Variants in RORA observed in about 807,000 individuals in gnomAD.
RORA encodes the protein nuclear receptor ROR-alpha.
A neutral mutation model predicts 69.5 loss-of-function variants in RORA; 7 were observed. The ratio of observed to expected loss-of-function variants is 0.10; its 90% CI spans 0.06 to 0.19. RORA has a LOEUF of 0.19. Among genes scored for constraint, RORA ranks in the 10% least tolerant of loss-of-function variants. RORA has a pLI of 1.00. For synonymous variants in RORA, 261 were observed against 240.8 expected (o/e 1.08, Z -0.78); for missense variants, 457 against 663.0 (o/e 0.69, Z 3.41).
rs1259368228 is a variant in RORA, at chr15:61,147,453, A to G, written c.166+81600T>C. Reference sequence around the variant, plus strand: ...CCCAACAGGTGCAATAGGACTCTGAAGAAGGAATATGAGAGCTTCCAGCCC... The same window carrying G: ...CCCAACAGGTGCAATAGGACTCTGAGGAAGGAATATGAGAGCTTCCAGCCC... On this transcript the variant is annotated intron_variant, in intron 1 of 10. Transcript: ENST00000335670. This position sits in a 1 kb window ranked among gnomAD's most constrained non-coding sequence, Gnocchi z 4.1. Among the ~76,000 whole-genome samples, 1 of 152,198 alleles carries G rather than the reference A, an allele frequency of 6.6e-6. No individual in the cohort carries two copies. Among genetic ancestry groups the G allele is most frequent in the African/African-American group, 2.4e-5 (1 of 41,448 alleles).
intron 2 of RORA, among the ~76,000 whole-genome samples, chr15:60,637,151 C>A (rs77459317): frequency 0.028 from 4,243 of 152,052 alleles, 210 homozygotes; most frequent in African/African-American, 0.097. Flanking sequence ...TAGTACCTAT[C>A]GCCAAGAAAG....
chr15:60,943,123 T>A (rs886095416), intron 1 of RORA, among the ~76,000 whole-genome samples: 1 of 152,234 alleles, frequency 6.6e-6, no homozygotes, highest in Non-Finnish European at 1.5e-5. Flanking sequence ...TCCAAGTAGC[T>A]ATGCATAGTA....
intron 2 of RORA, among the ~76,000 whole-genome samples, chr15:60,592,145 G>A (rs1409028946): frequency 1.3e-5 from 2 of 151,992 alleles, no homozygotes; most frequent in African/African-American, 4.8e-5. Flanking sequence ...GGAGCCGGAG[G>A]GGGCAGCAGA....
intron 1 of RORA, among the ~76,000 whole-genome samples, chr15:60,800,987 G>A (rs1427169695): frequency 6.6e-6 from 1 of 152,216 alleles, no homozygotes; most frequent in Non-Finnish European, 1.5e-5. Flanking sequence ...GCGATTGATT[G>A]CTGCATGCCT....
intron 1 of RORA, among the ~76,000 whole-genome samples, chr15:60,786,554 G>A (rs1015070082): frequency 2.0e-5 from 3 of 152,240 alleles, no homozygotes; most frequent in East Asian, 1.9e-4. Context: ...AGAGCTAAAG[G>A]ACACCAACCT....
At chr15:60,567,004 G>A (rs577602219) in intron 2 of RORA, among the ~76,000 whole-genome samples, 82 of 152,282 alleles carry the variant, frequency 5.4e-4, no homozygotes, top group African/African-American at 1.9e-3. Flanking sequence ...TAGATTACGT[G>A]TGAGAGCTCA....
chr15:60,996,081 T>G (rs1033368396), intron 1 of RORA, among the ~76,000 whole-genome samples: 11 of 98,274 alleles, frequency 1.1e-4, no homozygotes, highest in Non-Finnish European at 2.2e-4. Flanking sequence ...GTTTTTTTTT[T>G]TTTTTTTGAG....
chr15:60,912,791 C>A (rs1476830876), intron 1 of RORA, among the ~76,000 whole-genome samples: 2 of 105,056 alleles, frequency 1.9e-5, no homozygotes, highest in Non-Finnish European at 4.9e-5. Flanking sequence ...AAACAAAACA[C>A]AACAAAAAAA....
At chr15:61,101,368 T>C (rs1360228982) in intron 1 of RORA, among the ~76,000 whole-genome samples, 2 of 152,100 alleles carry the variant, frequency 1.3e-5, no homozygotes, top group Non-Finnish European at 2.9e-5. Flanking sequence ...CTTGTTTATT[T>C]TGAGACTGGA....
At chr15:60,723,905 G>A (rs1159650717) in intron 1 of RORA, among the ~76,000 whole-genome samples, 1 of 152,178 alleles carries the variant, frequency 6.6e-6, no homozygotes, top group Admixed American at 6.5e-5. Flanking sequence ...GTGCACCAGA[G>A]ACAAGATGGA....
At chr15:60,705,720 T>G (rs1256941231) in intron 1 of RORA, among the ~76,000 whole-genome samples, 2 of 152,134 alleles carry the variant, frequency 1.3e-5, no homozygotes, top group Admixed American at 1.3e-4. Context: ...TTTTTATTAT[T>G]AAAATTTTTT....
At position 60,891,841 on chromosome 15, in the gene RORA, TC is replaced by T. The variant is rs1428963380; in HGVS notation, c.167-213156del. Among the ~76,000 whole-genome samples the T allele has an allele frequency of 1.3e-5, 2 of 152,204 alleles. 1 individual carries two copies. Among genetic ancestry groups the T allele is most frequent in the African/African-American group, 4.8e-5 (2 of 41,450 alleles). On this transcript the variant is annotated intron_variant, in intron 1 of 10. Transcript: ENST00000335670. ...TTCTCCCTTCTCCTAAAAATGTATC[TC>T]ATTTTCCAAGATTTAGCTTTATGGT...
chr15:60,932,215 G>A (rs1389118054), intron 1 of RORA, among the ~76,000 whole-genome samples: 1 of 152,126 alleles, frequency 6.6e-6, no homozygotes, highest in Non-Finnish European at 1.5e-5. Flanking sequence ...ACCTGAGAAG[G>A]TGGGGTTGCT....
intron 1 of RORA, among the ~76,000 whole-genome samples, chr15:60,740,714 T>C (rs940390177): frequency 5.3e-5 from 8 of 152,176 alleles, no homozygotes; most frequent in African/African-American, 1.7e-4. Context: ...GGTTAACTTT[T>C]AAAAAAATGT....
At chr15:60,978,961 C>CTTTTTTTTTTTTTTTTTTTTTTTT (rs543353825) in intron 1 of RORA, among the ~76,000 whole-genome samples, 1 of 95,138 alleles carries the variant, frequency 1.1e-5, no homozygotes, top group African/African-American at 4.1e-5. Context: ...CAACTTTGCT[C>CTTTTTTTTTTTTTTTTTTTTTTTT]TTTTTTTTTT....
rs59044853 is a variant in RORA at position 60,819,746 on chromosome 15, G to GACACACACAC, written c.167-141070_167-141061dup. Among the ~76,000 whole-genome samples the GACACACACAC allele has an allele frequency of 8.8e-3, 1,048 of 119,320 alleles. 26 individuals are homozygous for GACACACACAC. Among genetic ancestry groups the GACACACACAC allele is most frequent in the African/African-American group, 0.027 (817 of 29,874 alleles). The allele number at this position is 119,320 out of a possible 152,430, so 78.3% of individuals were successfully genotyped here. A position where few individuals can be genotyped will look rare whatever the true frequency, so the allele number is the denominator to read the frequency against. On this transcript the variant is annotated intron_variant, in intron 1 of 10. Transcript: ENST00000335670. ...CACTCCTGGACTGAAGTCAAACCCA[G>GACACACACAC]ACACACACACACACACACACACACA...
At chr15:60,816,937 T>C (rs879665096) in intron 1 of RORA, among the ~76,000 whole-genome samples, 1 of 152,168 alleles carries the variant, frequency 6.6e-6, no homozygotes, top group Non-Finnish European at 1.5e-5. Context: ...CTGTTAGTAG[T>C]GTATGCATTC....
At chr15:60,627,373 A>G (rs1433404184) in intron 2 of RORA, 1 of 1,614,032 alleles carries the variant, frequency 6.2e-7, no homozygotes, top group Non-Finnish European at 8.5e-7. Flanking sequence ...CCCCTCATTC[A>G]TGCCTTTTCC....
chr15:61,113,688 C>G (rs576061749), intron 1 of RORA, among the ~76,000 whole-genome samples: 3 of 152,320 alleles, frequency 2.0e-5, no homozygotes, highest in East Asian at 3.9e-4. Context: ...CACATGCACA[C>G]ACACACGCAC....
Sources: allele counts gnomAD v4.1 joint callset (sites outside exome capture counted in the v4.1 genomes callset), GRCh38; gene constraint gnomAD v4.1.1; non-coding constraint Gnocchi (gnomAD v3.1); transcripts MANE v1.5; gene names NCBI Gene and HGNC (gene_info 2026-07-23, HGNC 2026-07-21).